The following FIZ1 variants were observed in gnomAD, a reference collection of about 807,000 sequenced individuals.
The protein encoded by FIZ1 is FLT3 interacting zinc finger 1, also known as flt3-interacting zinc finger protein 1.
FIZ1 carries 2 observed loss-of-function variants against 5.3 expected under a neutral mutation model. That is an observed-to-expected ratio of 0.37 (90% CI 0.15 to 1.18). The LOEUF is 1.18. FIZ1 is among the 50% of genes most tolerant of loss of function. The probability of loss-of-function intolerance (pLI) is 0.37; values close to 1 mark genes in which losing one functional copy is unlikely to be tolerated. For synonymous variants in FIZ1, 407 were observed against 364.2 expected (o/e 1.12, Z -1.34); for missense variants, 631 against 749.7 (o/e 0.84, Z 1.85).
In FIZ1 at chr19:55,593,124, T is replaced by C; in HGVS notation, c.817A>G (p.Thr273Ala). ...TCCGCAGCGGTGCCTTCGCCCGCCGTCTCGGGCCCTGCGCCTGGCCCCGCG... is the reference window on the plus strand; with the variant it reads ...TCCGCAGCGGTGCCTTCGCCCGCCGCCTCGGGCCCTGCGCCTGGCCCCGCG... Reference protein sequence around the residue: ...WAAGPGAGPETAGEGTAAEAG... With the variant: ...WAAGPGAGPEAAGEGTAAEAG... The change falls in exon 3 of 3, where the codon ACG becomes GCG. Residue 273 changes from threonine to alanine, a missense_variant. Physicochemically the swap from Thr to Ala is moderately conservative, Grantham distance 58. Coordinates refer to ENST00000221665, the MANE Select transcript of FIZ1 (RefSeq NM_032836.3). The surrounding 1 kb of genome is among the most constrained non-coding windows in gnomAD (Gnocchi z 6.3). The C allele has an allele frequency of 8.0e-7, 1 of 1,248,846 alleles. No homozygotes were observed. Among genetic ancestry groups the C allele is most frequent in the African/African-American group, 1.6e-5 (1 of 61,380 alleles). 77.4% of individuals were successfully genotyped at this position (1,248,846 alleles called of 1,614,324 possible).
intron 1 of FIZ1, 119 bp from the exon 2 acceptor site, chr19:55,598,020 C>G: frequency 2.7e-6 from 3 of 1,110,038 alleles, no homozygotes; most frequent in Non-Finnish European, 3.7e-6. Context: ...GCCCACCTCT[C>G]TAAGCCACTC....
At position 55,592,873 on chromosome 19, in the gene FIZ1, G is replaced by A; in HGVS notation, c.1068C>T (p.Ala356=). Reference sequence around the variant, plus strand: ...CCCCGCAGTGGCCGCAGCCGTAGGTGGCCGGGCCCGAGTGGGCCTCCAGGT... The same window carrying A: ...CCCCGCAGTGGCCGCAGCCGTAGGTAGCCGGGCCCGAGTGGGCCTCCAGGT... ...ASHLEAHSGP[A]TYGCGHCGAL... Residue 356 remains alanine, a synonymous_variant, in exon 3 of 3, where the codon GCC becomes GCT. Transcript: ENST00000221665. The surrounding 1 kb of genome is among the most constrained non-coding windows in gnomAD (Gnocchi z 6.9). 3 of 1,536,156 alleles carry A rather than the reference G, an allele frequency of 2.0e-6. No homozygotes were observed. The highest frequency in any genetic ancestry group is 2.6e-6 in the Non-Finnish European group (3 of 1,147,206).
At chr19:55,594,977 C>T (rs1295163727) in intron 2 of FIZ1, among the ~76,000 whole-genome samples, 1 of 152,156 alleles carries the variant, frequency 6.6e-6, no homozygotes, top group East Asian at 1.9e-4. Flanking sequence ...TCTAGGGAAT[C>T]GAATCTCCCA....
chr19:55,592,972 G>A lies in FIZ1; in HGVS notation c.969C>T (p.Ala323=), dbSNP rs1249410106. 1.9e-6 allele frequency: 3 copies of A among 1,541,784 alleles called. No individual in the cohort carries two copies. Among genetic ancestry groups the A allele is most frequent in the East Asian group, 2.6e-5 (1 of 38,810 alleles). Residue 323 remains alanine (A), a synonymous_variant, in exon 3 of 3, where the codon GCC becomes GCT. Transcript: ENST00000221665. This position sits in a 1 kb window ranked among gnomAD's most constrained non-coding sequence, Gnocchi z 6.9. The stretch of plus-strand genomic sequence containing the variant: ...GGTACAGGGTGTCTTCCGAGGGCTC[G>A]GCGGCCGCCGCAGGTGCAGGCGCCT... ...GGEAPAPAAA[A]EPSEDTLYQC...
intron 2 of FIZ1, among the ~76,000 whole-genome samples, chr19:55,596,672 T>G (rs1980342993): frequency 7.4e-6 from 1 of 135,284 alleles, no homozygotes; most frequent in African/African-American, 3.9e-5. Flanking sequence ...TTTGTATTTT[T>G]TGTTTGTTTG....
chr19:55,594,649 A>T (rs1980231697), intron 2 of FIZ1, among the ~76,000 whole-genome samples: 1 of 141,414 alleles, frequency 7.1e-6, no homozygotes. Flanking sequence ...GTGAGCCGAG[A>T]TCGCGCCACT....
chr19:55,597,598 C>T lies in FIZ1; in HGVS notation c.268G>A (p.Asp90Asn). Residue 90 changes from aspartate to asparagine, a missense_variant, in exon 2 of 3, where the codon GAC becomes AAC. This residue lies in a region of FIZ1 where 68 missense variants were observed against 163.4 expected (regional missense o/e 0.42). Transcript: ENST00000221665. ...TGGTGGTGCAGCAGGCCGGTGGAGT[C>T]GCGGAACCCCTTGGGGCAGGCAGAG... ...RCSACPKGFR[D>N]STGLLHHQVV... 1 of 1,612,306 alleles carries T rather than the reference C, an allele frequency of 6.2e-7. No homozygotes were observed. Among genetic ancestry groups the T allele is most frequent in the Non-Finnish European group, 8.5e-7 (1 of 1,179,592 alleles).
Position 55,593,132 on chromosome 19 carries a change from C to T in FIZ1, c.809G>A (p.Gly270Glu). Residue 270 changes from glycine to glutamate, a missense_variant, in exon 3 of 3, where the codon GGG becomes GAG. Physicochemically the swap from Gly to Glu is moderately conservative, Grantham distance 98. This residue lies in a region of FIZ1 where 463 missense variants were observed against 455.1 expected (regional missense o/e 1.02). Transcript: ENST00000221665. This position sits in a 1 kb window ranked among gnomAD's most constrained non-coding sequence, Gnocchi z 6.3. ...GGTGCCTTCGCCCGCCGTCTCGGGC[C>T]CTGCGCCTGGCCCCGCGGCCCAGGC... ...AQAWAAGPGA[G>E]PETAGEGTAA... is the part of the protein sequence containing the mutation. 4.1e-6 allele frequency: 5 copies of T among 1,227,526 alleles called. No individual in the cohort carries two copies. Among genetic ancestry groups the T allele is most frequent in the Non-Finnish European group, 5.1e-6 (5 of 980,456 alleles). 76.0% of individuals were successfully genotyped at this position (1,227,526 alleles called of 1,614,324 possible). A position where few individuals can be genotyped will look rare whatever the true frequency, so the allele number is the denominator to read the frequency against.
At chr19:55,594,225 C>T (rs1369336148) in intron 2 of FIZ1, among the ~76,000 whole-genome samples, 1 of 151,618 alleles carries the variant, frequency 6.6e-6, no homozygotes, top group Admixed American at 6.6e-5. Flanking sequence ...CCTGCCTTTA[C>T]TAAAAATACA....
Position 55,593,185 on chromosome 19 carries a change from C to T in FIZ1, c.756G>A (p.Leu252=), listed in dbSNP as rs772490808. 2.5e-6 allele frequency: 3 copies of T among 1,183,336 alleles called. No individual in the cohort carries two copies. The highest frequency in any genetic ancestry group is 1.6e-5 in the African/African-American group (1 of 60,650). The allele number at this position is 1,183,336 out of a possible 1,614,324, so 73.3% of individuals were successfully genotyped here. ...LLERHKLTHD[L]QGPGAPPAQA... ...GCGCTGGGGGCGCGCCCGGGCCCTGCAGGTCGTGCGTCAGCTTGTGCCGCT... is the reference window on the plus strand; with the variant it reads ...GCGCTGGGGGCGCGCCCGGGCCCTGTAGGTCGTGCGTCAGCTTGTGCCGCT... Residue 252 remains leucine (L), a synonymous_variant, in exon 3 of 3, where the codon CTG becomes CTA. Coordinates refer to ENST00000221665, the MANE Select transcript of FIZ1 (RefSeq NM_032836.3). The surrounding 1 kb of genome is among the most constrained non-coding windows in gnomAD (Gnocchi z 6.3).
chr19:55,593,481 A>G lies in FIZ1; in HGVS notation c.460T>C (p.Cys154Arg), dbSNP rs1250818700. 1 of 1,548,502 alleles carries G rather than the reference A, an allele frequency of 6.5e-7. No individual in the cohort carries two copies. Among genetic ancestry groups the G allele is most frequent in the Non-Finnish European group, 8.7e-7 (1 of 1,146,390 alleles). Residue 154 changes from cysteine (C) to arginine (R), a missense_variant, in exon 3 of 3, where the codon TGC becomes CGC. Physicochemically the swap from Cys to Arg is radical, Grantham distance 180. Transcript: ENST00000221665. This position sits in a 1 kb window ranked among gnomAD's most constrained non-coding sequence, Gnocchi z 6.3. ...ACCGAGCAGGGCCCCACATTGCAGCAGACGGAGCAGGGCGCACTCAAGGCG... is the reference window on the plus strand; with the variant it reads ...ACCGAGCAGGGCCCCACATTGCAGCGGACGGAGCAGGGCGCACTCAAGGCG... ...LPALSAPCSV[C>R]CNVGPCSVCG...
At chr19:55,594,696 CAAAA>C (rs71181796) in intron 2 of FIZ1, among the ~76,000 whole-genome samples, 4,153 of 86,916 alleles carry the variant, frequency 0.048, 177 homozygotes, top group African/African-American at 0.16. Context: ...GACTCTGTCT[CAAAA>C]AAAAAAAAAA....
At chr19:55,594,228 A>G (rs1980203890) in intron 2 of FIZ1, among the ~76,000 whole-genome samples, 1 of 151,964 alleles carries the variant, frequency 6.6e-6, no homozygotes, top group Non-Finnish European at 1.5e-5. Context: ...GCCTTTACTA[A>G]AAATACAAAA....
At position 55,593,003 on chromosome 19, in the gene FIZ1, C is replaced by T; in HGVS notation, c.938G>A (p.Gly313Asp). The stretch of plus-strand genomic sequence containing the variant: ...CGCCGCAGGTGCAGGCGCCTCCCCA[C>T]CGCCCTCGGGGAGCAGCCCCCCGAG... ...PKLGGLLPEG[G>D]GEAPAPAAAA... is the part of the protein sequence containing the mutation. The change falls in exon 3 of 3, where the codon GGT (glycine) becomes GAT (aspartate). Residue 313 changes from glycine to aspartate, a missense_variant. By Grantham distance (94) the Gly-to-Asp change is moderately conservative. Around this residue, in one of 4 missense-constraint regions of FIZ1, gnomAD observed 463 missense variants for 455.1 expected, o/e 1.02. Transcript: ENST00000221665. The surrounding 1 kb of genome is among the most constrained non-coding windows in gnomAD (Gnocchi z 6.3). 6 of 1,496,264 alleles carry T rather than the reference C, an allele frequency of 4.0e-6. No homozygotes were observed. The highest frequency in any genetic ancestry group is 5.3e-6 in the Non-Finnish European group (6 of 1,130,202). 92.7% of individuals were successfully genotyped at this position (1,496,264 alleles called of 1,614,324 possible). A position where few individuals can be genotyped will look rare whatever the true frequency, so the allele number is the denominator to read the frequency against.
rs779189184 is a variant in FIZ1, at chr19:55,592,618, C to G, written c.1323G>C (p.Pro441=). The G allele has an allele frequency of 6.2e-7, 1 of 1,613,460 alleles. No individual in the cohort carries two copies. The highest frequency in any genetic ancestry group is 8.5e-7 in the Non-Finnish European group (1 of 1,179,870). Residue 441 remains proline, a synonymous_variant, in exon 3 of 3, where the codon CCG becomes CCC. Transcript: ENST00000221665. The surrounding 1 kb of genome is among the most constrained non-coding windows in gnomAD (Gnocchi z 6.9). ...RHVLVHTGEK[P]FPCLECGKFF... is the part of the protein sequence containing the mutation. ...ACTTGCCGCACTCCAGGCACGGGAA[C>G]GGCTTCTCGCCAGTGTGCACCAGCA...
chr19:55,598,015 C>T, intron 1 of FIZ1, 114 bp from the exon 2 acceptor site: 1 of 1,129,052 alleles, frequency 8.9e-7, no homozygotes, highest in South Asian at 1.6e-5. Flanking sequence ...CCACTGCCCA[C>T]CTCTCTAAGC....
chr19:55,592,425 G>A lies in FIZ1; in HGVS notation c.*25C>T, dbSNP rs997117936. 61 of 1,522,256 alleles carry A rather than the reference G, an allele frequency of 4.0e-5. 1 individual carries two copies. The East Asian group carries it at 1.4e-3, about 34-fold the overall frequency. 94.3% of individuals were successfully genotyped at this position (1,522,256 alleles called of 1,614,324 possible). A position where few individuals can be genotyped will look rare whatever the true frequency, so the allele number is the denominator to read the frequency against. ...GGCCGAGTCCAGGAGGCTGGGTGGA[G>A]GGCAGGGCGCACGCAGCCTGGCAGT... is the stretch of plus-strand genomic sequence containing the variant. On this transcript the variant is annotated 3_prime_UTR_variant, in exon 3 of 3. Coordinates refer to ENST00000221665, the MANE Select transcript of FIZ1 (RefSeq NM_032836.3). The surrounding 1 kb of genome is among the most constrained non-coding windows in gnomAD (Gnocchi z 6.9).
chr19:55,592,621 C>T lies in FIZ1; in HGVS notation c.1320G>A (p.Lys440=). 1.2e-6 allele frequency: 2 copies of T among 1,613,452 alleles called. No homozygotes were observed. Among genetic ancestry groups the T allele is most frequent in the Non-Finnish European group, 1.7e-6 (2 of 1,179,882 alleles). ...TGCCGCACTCCAGGCACGGGAACGGCTTCTCGCCAGTGTGCACCAGCACGT... is the reference window on the plus strand; with the variant it reads ...TGCCGCACTCCAGGCACGGGAACGGTTTCTCGCCAGTGTGCACCAGCACGT... ...ERHVLVHTGE[K]PFPCLECGKF... The change falls in exon 3 of 3, where the codon AAG becomes AAA. Residue 440 remains lysine (K), a synonymous_variant. Coordinates refer to ENST00000221665, the MANE Select transcript of FIZ1 (RefSeq NM_032836.3). This position sits in a 1 kb window ranked among gnomAD's most constrained non-coding sequence, Gnocchi z 6.9.
At position 55,591,855 on chromosome 19, in the gene FIZ1, G is replaced by A. The variant is rs1980017272; in HGVS notation, c.*595C>T. The A allele has an allele frequency of 6.5e-6, 1 of 152,762 alleles. No homozygotes were observed. The highest frequency in any genetic ancestry group is 1.5e-5 in the Non-Finnish European group (1 of 68,208). The allele number at this position is 152,762 out of a possible 1,614,324, so 9.5% of individuals were successfully genotyped here. On this transcript the variant is annotated 3_prime_UTR_variant, in exon 3 of 3. Transcript: ENST00000221665. ...GTCGGGGAGGGGGGATTCGAGGGCA[G>A]GGGGCATCTACCCTGGTCCCTCTTT...
Sources: allele counts gnomAD v4.1 joint callset (sites outside exome capture counted in the v4.1 genomes callset), GRCh38; gene constraint gnomAD v4.1.1; regional missense constraint gnomAD v4.1.1; non-coding constraint Gnocchi (gnomAD v3.1); transcripts MANE v1.5; gene names NCBI Gene and HGNC (gene_info 2026-07-23, HGNC 2026-07-21).